Variants in OLFM3 observed in about 807,000 individuals in gnomAD.
OLFM3 encodes the protein noelin-3.
In OLFM3, 20 loss-of-function variants were observed where a neutral mutation model predicts 48.6. The observed-to-expected ratio is 0.41, with a 90% CI of 0.29 to 0.60. OLFM3 has a LOEUF of 0.60. Among genes scored for constraint, OLFM3 ranks in the 20% least tolerant of loss-of-function variants. The pLI is 0.28. For synonymous variants in OLFM3, 222 were observed against 198.1 expected (o/e 1.12, Z -1.01); for missense variants, 437 against 544.3 (o/e 0.80, Z 1.96).
At chr1:101,820,500 T>C (rs1023154209) in intron 4 of OLFM3, among the ~76,000 whole-genome samples, 4 of 152,122 alleles carry the variant, frequency 2.6e-5, no homozygotes, top group African/African-American at 9.7e-5. Context: ...GGGGACTTTA[T>C]CCTATTCCAT....
chr1:101,847,004 CTGAT>C (rs1363899971), intron 1 of OLFM3: 1 of 1,588,614 alleles, frequency 6.3e-7, no homozygotes, highest in Non-Finnish European at 8.6e-7. Context: ...TTCATAGTGA[CTGAT>C]TAAGATCCCG....
At chr1:101,977,427 C>A (rs1386008443) in intron 1 of OLFM3, among the ~76,000 whole-genome samples, 1 of 152,040 alleles carries the variant, frequency 6.6e-6, no homozygotes, top group Non-Finnish European at 1.5e-5. Flanking sequence ...ACAAAAAGAG[C>A]GTAGAGAATT....
intron 1 of OLFM3, among the ~76,000 whole-genome samples, chr1:101,887,726 A>G (rs1389310723): frequency 6.6e-6 from 1 of 152,046 alleles, no homozygotes; most frequent in Non-Finnish European, 1.5e-5. Context: ...ACAATGTAGT[A>G]TAAAGTGAAA....
chr1:101,834,925 T>C (rs1441091537), intron 2 of OLFM3, among the ~76,000 whole-genome samples: 1 of 152,214 alleles, frequency 6.6e-6, no homozygotes, highest in African/African-American at 2.4e-5. Flanking sequence ...ATCATAGCTA[T>C]GAAATACATT....
At chr1:101,931,997 G>T (rs1037251597) in intron 1 of OLFM3, among the ~76,000 whole-genome samples, 3 of 152,178 alleles carry the variant, frequency 2.0e-5, no homozygotes, top group Admixed American at 1.3e-4. Context: ...GGGCATGAAT[G>T]TATTAAATAA....
chr1:101,967,400 GA>G (rs959245345), intron 1 of OLFM3, among the ~76,000 whole-genome samples: 1 of 151,560 alleles, frequency 6.6e-6, no homozygotes, highest in East Asian at 1.9e-4. Context: ...AGCAAAAAAA[GA>G]AAAAAAGTAA....
chr1:101,989,249 G>C (rs145273880), intron 1 of OLFM3, among the ~76,000 whole-genome samples: 73 of 152,146 alleles, frequency 4.8e-4, no homozygotes, highest in Admixed American at 1.6e-3. Flanking sequence ...TGAAGGCTTG[G>C]TATGAAAATA....
At chr1:101,874,445 C>T (rs1657213325) in intron 1 of OLFM3, among the ~76,000 whole-genome samples, 1 of 151,374 alleles carries the variant, frequency 6.6e-6, no homozygotes, top group African/African-American at 2.4e-5. Flanking sequence ...TTGCTATGGT[C>T]AATTTCTTTT....
chr1:101,804,248 T>A lies in OLFM3; in HGVS notation c.1367A>T (p.Asp456Val), dbSNP rs760337355. ...ACATGTCACATTTGCCTATGTGTCA[T>A]CCTCTGTCTTGATGATATGGAAAAG... ...VTLFHIIKTE[D>V]DT Residue 456 changes from aspartate to valine, a missense_variant, in exon 6 of 6, where the codon GAT (aspartate) becomes GTT (valine). By Grantham distance (152) the Asp-to-Val change is radical (BLOSUM62 -3). Transcript: ENST00000370103. This position sits in a 1 kb window ranked among gnomAD's most constrained non-coding sequence, Gnocchi z 4.5. The A allele has an allele frequency of 1.9e-6, 3 of 1,587,160 alleles. No individual in the cohort carries two copies. The highest frequency in any genetic ancestry group is 3.5e-5 in the Admixed American group (2 of 56,588).
At chr1:101,963,555 A>T (rs528484104) in intron 1 of OLFM3, among the ~76,000 whole-genome samples, 2 of 149,888 alleles carry the variant, frequency 1.3e-5, no homozygotes, top group South Asian at 4.3e-4. Context: ...CTCTTTTAGG[A>T]GAAATGTCTC....
intron 1 of OLFM3, among the ~76,000 whole-genome samples, chr1:101,952,375 C>G (rs1453422677): frequency 1.3e-5 from 2 of 151,832 alleles, no homozygotes; most frequent in African/African-American, 4.8e-5. Context: ...TGTTAGTTAC[C>G]TAGTACTGAA....
At chr1:101,992,420 C>T (rs1188174855) in intron 1 of OLFM3, among the ~76,000 whole-genome samples, 1 of 151,946 alleles carries the variant, frequency 6.6e-6, no homozygotes, top group Non-Finnish European at 1.5e-5. Flanking sequence ...GACAGGCTGC[C>T]TTGAACTCTT....
chr1:101,847,642 C>G (rs948787883), intron 1 of OLFM3, among the ~76,000 whole-genome samples: 1 of 152,096 alleles, frequency 6.6e-6, no homozygotes, highest in Non-Finnish European at 1.5e-5. Flanking sequence ...TACACCTGAA[C>G]AGACAGAAAA....
At chr1:101,879,615 A>G (rs974301833) in intron 1 of OLFM3, among the ~76,000 whole-genome samples, 4 of 151,856 alleles carry the variant, frequency 2.6e-5, no homozygotes, top group Non-Finnish European at 5.9e-5. Flanking sequence ...TTACTAATTC[A>G]CTTAATATAA....
intron 1 of OLFM3, among the ~76,000 whole-genome samples, chr1:101,987,953 A>G (rs914746343): frequency 6.6e-6 from 1 of 152,074 alleles, no homozygotes; most frequent in African/African-American, 2.4e-5. Flanking sequence ...AATCCAATGA[A>G]TCTGACTCCA....
chr1:101,870,378 G>T (rs1657031663), intron 1 of OLFM3, among the ~76,000 whole-genome samples: 1 of 152,228 alleles, frequency 6.6e-6, no homozygotes, highest in East Asian at 1.9e-4. Context: ...ATGACTTCTG[G>T]TGTCATATTT....
chr1:101,866,785 A>C (rs1464922219), intron 1 of OLFM3, among the ~76,000 whole-genome samples: 1 of 152,202 alleles, frequency 6.6e-6, no homozygotes, highest in East Asian at 1.9e-4. Context: ...AGGTTTTTAA[A>C]ATACAGATAG....
intron 1 of OLFM3, among the ~76,000 whole-genome samples, chr1:101,963,335 T>C (rs1660518547): frequency 6.6e-6 from 1 of 152,194 alleles, no homozygotes; most frequent in Admixed American, 6.5e-5. Context: ...ACCTCTAAAT[T>C]CTTTTCAGGT....
chr1:101,869,718 G>A (rs1657000287), intron 1 of OLFM3, among the ~76,000 whole-genome samples: 1 of 152,176 alleles, frequency 6.6e-6, no homozygotes, highest in African/African-American at 2.4e-5. Flanking sequence ...GAGGGACCCA[G>A]TGGGAGGTAA....
Sources: gnomAD v4.1 joint callset for allele counts (sites outside exome capture counted in the v4.1 genomes callset) on GRCh38, gnomAD v4.1.1 for gene constraint, Gnocchi (gnomAD v3.1) non-coding constraint, MANE v1.5 for transcripts, NCBI Gene and HGNC (gene_info 2026-07-23, HGNC 2026-07-21) for gene names.